Variants in CD59 observed in about 807,000 individuals in gnomAD.
CD59 encodes CD59 glycoprotein.
CD59 carries 3 observed loss-of-function variants against 7.0 expected under a neutral mutation model. The observed-to-expected ratio is 0.43, with a 90% CI of 0.19 to 1.10. The LOEUF (loss-of-function observed/expected upper bound fraction) is 1.10. CD59 is among the 50% of genes least tolerant of loss of function. CD59 has a pLI of 0.29. For missense variants in CD59, 143 were observed against 151.0 expected (o/e 0.95, Z 0.28); for synonymous variants, 60 against 62.0 (o/e 0.97, Z 0.15).
At position 33,708,170 on chromosome 11, in the gene CD59, A is replaced by G. The variant is rs1853389664; in HGVS notation, c.*1956T>C. The stretch of plus-strand genomic sequence containing the variant: ...TATTGCCTTTGGGTCCAGGCACTCA[A>G]CCTTGTCTATGGCATGAGTCACAGC... On this transcript the variant is annotated 3_prime_UTR_variant, in exon 4 of 4. Coordinates refer to ENST00000642928, the MANE Select transcript of CD59 (RefSeq NM_000611.6). 1 of 152,156 alleles carries G rather than the reference A, an allele frequency of 6.6e-6. No individual in the cohort carries two copies. The highest frequency in any genetic ancestry group is 6.5e-5 in the Admixed American group (1 of 15,272). The allele number at this position is 152,156 out of a possible 1,614,324, so 9.4% of individuals were successfully genotyped here. A position where few individuals can be genotyped will look rare whatever the true frequency, so the allele number is the denominator to read the frequency against.
At chr11:33,718,699 CA>C (rs1383411023) in intron 2 of CD59, 1 of 152,238 alleles carries the variant, frequency 6.6e-6, no homozygotes, top group African/African-American at 2.4e-5. Flanking sequence ...ACATCAGAAG[CA>C]AATTGCCTCC....
At chr11:33,732,584 C>T (rs1854451607) in intron 1 of CD59, among the ~76,000 whole-genome samples, 1 of 152,208 alleles carries the variant, frequency 6.6e-6, no homozygotes, top group African/African-American at 2.4e-5. Context: ...ACTAATACAC[C>T]TTGTTCCTGT....
intron 3 of CD59, among the ~76,000 whole-genome samples, chr11:33,715,791 TCCTC>T (rs1853763183): frequency 6.6e-6 from 1 of 152,116 alleles, no homozygotes; most frequent in Admixed American, 6.6e-5. Context: ...TCCTTTCCTC[TCCTC>T]CCTACCTCTG....
At chr11:33,724,113 C>A (rs1026617314) in intron 1 of CD59, among the ~76,000 whole-genome samples, 1 of 152,072 alleles carries the variant, frequency 6.6e-6, no homozygotes, top group Non-Finnish European at 1.5e-5. Context: ...TCTCTCCAAA[C>A]AAACAAACAA....
At position 33,703,820 on chromosome 11, in the gene CD59, T is replaced by C. The variant is rs149759939; in HGVS notation, c.*6306A>G. On this transcript the variant is annotated 3_prime_UTR_variant, in exon 4 of 4. Transcript: ENST00000642928. ...GGCCAGAAGGGTCACACTGAAGAAA[T>C]GTGACATGAGGGTGGAGGTTCCTGT... The C allele has an allele frequency of 6.6e-6, 1 of 152,344 alleles. No homozygotes were observed. Among genetic ancestry groups the C allele is most frequent in the Non-Finnish European group, 1.5e-5 (1 of 68,084 alleles). 9.4% of individuals were successfully genotyped at this position (152,344 alleles called of 1,614,324 possible).
rs1419785719 is a variant in CD59 at position 33,707,421 on chromosome 11, C to T, written c.*2705G>A. The stretch of plus-strand genomic sequence containing the variant: ...TTGAAGCCCCCAGTACATTCAAGAC[C>T]AAGTTTGGCAAATAGATTAGCATCT... On this transcript the variant is annotated 3_prime_UTR_variant, in exon 4 of 4. Transcript: ENST00000642928. 2 of 152,190 alleles carry T rather than the reference C, an allele frequency of 1.3e-5. No homozygotes were observed. The highest frequency in any genetic ancestry group is 2.9e-5 in the Non-Finnish European group (2 of 68,046). 9.4% of individuals were successfully genotyped at this position (152,190 alleles called of 1,614,324 possible).
At chr11:33,722,520 T>C in intron 1 of CD59, 57 bp from the exon 2 acceptor site, 2 of 1,602,746 alleles carry the variant, frequency 1.2e-6, no homozygotes, top group Non-Finnish European at 8.5e-7. Context: ...GCTGGTTGTC[T>C]CAAAAACCAA....
chr11:33,736,442 C>G (rs1333877768), upstream of CD59: 1 of 152,618 alleles, frequency 6.6e-6, no homozygotes, highest in Non-Finnish European at 1.5e-5. This position sits in a 1 kb window ranked among gnomAD's most constrained non-coding sequence, Gnocchi z 4.4. Context: ...CCCCCGCATT[C>G]TTTCGCTCCA....
At chr11:33,729,280 GA>G in intron 1 of CD59, among the ~76,000 whole-genome samples, 1 of 152,274 alleles carries the variant, frequency 6.6e-6, no homozygotes, top group African/African-American at 2.4e-5. Context: ...TGATAGACTG[GA>G]TAAAGAAAAT....
chr11:33,718,798 TC>T (rs2133549003), intron 2 of CD59: 1 of 152,346 alleles, frequency 6.6e-6, no homozygotes, highest in Admixed American at 6.5e-5. Context: ...GGGTTATTTT[TC>T]CTTCTCCATT....
intron 2 of CD59, among the ~76,000 whole-genome samples, chr11:33,721,849 C>G (rs993122134): frequency 1.3e-5 from 2 of 152,132 alleles, no homozygotes; most frequent in South Asian, 4.1e-4. Context: ...ATAAAAATAC[C>G]ACCAACTCCA....
intron 3 of CD59, among the ~76,000 whole-genome samples, chr11:33,715,066 C>T (rs1349619200): frequency 1.3e-5 from 2 of 151,644 alleles, no homozygotes; most frequent in African/African-American, 4.8e-5. Flanking sequence ...GCCTCAGCCT[C>T]CCGAGAGGCT....
intron 1 of CD59, among the ~76,000 whole-genome samples, chr11:33,727,187 A>G (rs1051734958): frequency 6.6e-6 from 1 of 152,210 alleles, no homozygotes. Context: ...GGCCAGCATC[A>G]TCTTGACACC....
At chr11:33,717,742 GAGATTAGT>G (rs1853865787) in intron 2 of CD59, 2 of 426,044 alleles carry the variant, frequency 4.7e-6, no homozygotes, top group Non-Finnish European at 8.8e-6. Flanking sequence ...CAACTGGAAG[GAGATTAGT>G]CTGCAATGTA....
intron 2 of CD59, among the ~76,000 whole-genome samples, chr11:33,720,022 G>C (rs1564974187): frequency 6.6e-6 from 1 of 152,210 alleles, no homozygotes; most frequent in Non-Finnish European, 1.5e-5. Context: ...TTTTGTGGTG[G>C]CTAGATCCCG....
chr11:33,706,083 C>T lies in CD59; in HGVS notation c.*4043G>A, dbSNP rs546375681. 5 of 152,182 alleles carry T rather than the reference C, an allele frequency of 3.3e-5. No individual in the cohort carries two copies. The highest frequency in any genetic ancestry group is 1.2e-4 in the African/African-American group (5 of 41,482). The allele number at this position is 152,182 out of a possible 1,614,324, so 9.4% of individuals were successfully genotyped here. ...ACAGTAAAAAGAACCTTGAGTTTCC[C>T]AGTTCAGTCCCCTGCTGGGTGCATG... On this transcript the variant is annotated 3_prime_UTR_variant, in exon 4 of 4. Transcript: ENST00000642928.
At chr11:33,735,928 G>T (rs1192635013) in intron 1 of CD59, among the ~76,000 whole-genome samples, 9 of 146,112 alleles carry the variant, frequency 6.2e-5, no homozygotes, top group African/African-American at 2.3e-4. Flanking sequence ...AAAAAAAAAA[G>T]TCCGTTTCGC....
chr11:33,726,566 G>A (rs2133566437), intron 1 of CD59, among the ~76,000 whole-genome samples: 1 of 152,266 alleles, frequency 6.6e-6, no homozygotes, highest in South Asian at 2.1e-4. Context: ...ATGCCCACAA[G>A]AGAAAGCAGG....
In CD59 at chr11:33,709,568, T is replaced by C. The variant is rs1044589118; in HGVS notation, c.*558A>G. 1.2e-4 allele frequency: 20 copies of C among 168,718 alleles called. No homozygotes were observed. The South Asian group carries it at 2.7e-3, about 23-fold the overall frequency. 10.5% of individuals were successfully genotyped at this position (168,718 alleles called of 1,614,324 possible). On this transcript the variant is annotated 3_prime_UTR_variant, in exon 4 of 4. Coordinates refer to ENST00000642928, the MANE Select transcript of CD59 (RefSeq NM_000611.6). ...ACCTCTCTAAGTTTTCATGCCCTGC[T>C]ATCTGGAACACTTCCCCACTTCCCT...
Sources: gnomAD v4.1 joint callset for allele counts (sites outside exome capture counted in the v4.1 genomes callset) on GRCh38, gnomAD v4.1.1 for gene constraint, Gnocchi (gnomAD v3.1) non-coding constraint, MANE v1.5 for transcripts, NCBI Gene and HGNC (gene_info 2026-07-23, HGNC 2026-07-21) for gene names.